The following SLC30A8 variants were observed in gnomAD, a reference collection of about 807,000 sequenced individuals.
SLC30A8 encodes the protein solute carrier family 30 member 8, also known as proton-coupled zinc antiporter SLC30A8.
SLC30A8 carries 27 observed loss-of-function variants against 36.9 expected under a neutral mutation model. The observed-to-expected ratio is 0.73, with a 90% confidence interval of 0.54 to 1.01. The LOEUF (loss-of-function observed/expected upper bound fraction) is 1.01, where lower values mean the gene tolerates loss of function less well. Ranked by LOEUF, SLC30A8 falls within the 50% of genes least tolerant of loss-of-function variation. The pLI is 0.00. For synonymous variants in SLC30A8, 164 were observed against 172.4 expected (o/e 0.95, Z 0.38); for missense variants, 439 against 452.0 (o/e 0.97, Z 0.26).
chr8:117,030,107 GCA>G (rs765155264), intron 1 of SLC30A8, among the ~76,000 whole-genome samples: 2 of 152,084 alleles, frequency 1.3e-5, no homozygotes, highest in African/African-American at 2.4e-5. Context: ...CAGCAGTAGA[GCA>G]AATAAAGAAG....
At chr8:117,155,013 T>TG (rs1293108160) in intron 3 of SLC30A8, among the ~76,000 whole-genome samples, 1 of 152,204 alleles carries the variant, frequency 6.6e-6, no homozygotes, top group African/African-American at 2.4e-5. Flanking sequence ...CATGCATGAT[T>TG]GGTGGCTACC....
intron 1 of SLC30A8, among the ~76,000 whole-genome samples, chr8:116,991,872 A>G (rs1815656136): frequency 6.6e-6 from 1 of 152,192 alleles, no homozygotes. Flanking sequence ...ATGCGGAAAA[A>G]GAACACAACA....
intron 2 of SLC30A8, among the ~76,000 whole-genome samples, chr8:117,118,593 T>C (rs138575942): frequency 6.6e-6 from 1 of 152,030 alleles, no homozygotes; most frequent in Non-Finnish European, 1.5e-5. Flanking sequence ...AGATAAGTCA[T>C]ATTTTCAGAC....
At chr8:117,119,812 A>C (rs544267214) in intron 2 of SLC30A8, among the ~76,000 whole-genome samples, 1 of 152,084 alleles carries the variant, frequency 6.6e-6, no homozygotes, top group South Asian at 2.1e-4. Context: ...TATAAAAATC[A>C]GTTGTGTTTC....
intron 5 of SLC30A8, among the ~76,000 whole-genome samples, chr8:117,162,947 G>A (rs1184379852): frequency 2.0e-5 from 3 of 152,214 alleles, no homozygotes; most frequent in African/African-American, 7.2e-5. Flanking sequence ...GAGAGGCAAA[G>A]AAATAAACTC....
At chr8:117,123,524 G>A (rs1378500398) in intron 2 of SLC30A8, among the ~76,000 whole-genome samples, 5 of 151,948 alleles carry the variant, frequency 3.3e-5, no homozygotes, top group African/African-American at 7.2e-5. Context: ...AAGTTTGTGA[G>A]ATACTTTTTG....
chr8:117,027,662 T>C (rs1253138828), intron 1 of SLC30A8, among the ~76,000 whole-genome samples: 1 of 152,182 alleles, frequency 6.6e-6, no homozygotes, highest in Non-Finnish European at 1.5e-5. Flanking sequence ...CTGAGTTGGA[T>C]GCTAACCTAT....
chr8:117,172,428 T>G, intron 7 of SLC30A8, 108 bp from the exon 8 acceptor site: 1 of 1,475,972 alleles, frequency 6.8e-7, no homozygotes, highest in African/African-American at 1.4e-5. Flanking sequence ...GTGCCCTGCC[T>G]CTGCCCCACC....
At chr8:117,143,196 C>CA (rs1821738335) in intron 1 of SLC30A8, among the ~76,000 whole-genome samples, 1 of 152,100 alleles carries the variant, frequency 6.6e-6, no homozygotes, top group Non-Finnish European at 1.5e-5. Flanking sequence ...TCCAAGATTG[C>CA]AAAAATAAAG....
intron 1 of SLC30A8, among the ~76,000 whole-genome samples, chr8:117,000,403 G>T (rs1201499279): frequency 6.6e-6 from 1 of 152,158 alleles, no homozygotes; most frequent in Non-Finnish European, 1.5e-5. Flanking sequence ...TTGTGACCAG[G>T]TTTGTCGTAA....
chr8:117,041,718 T>C (rs1219828916), intron 2 of SLC30A8, among the ~76,000 whole-genome samples: 1 of 151,844 alleles, frequency 6.6e-6, no homozygotes, highest in African/African-American at 2.4e-5. Flanking sequence ...TAAAAAAAAT[T>C]CTGATGGTTG....
intron 1 of SLC30A8, among the ~76,000 whole-genome samples, chr8:116,992,175 T>G (rs1815667483): frequency 6.6e-6 from 1 of 152,132 alleles, no homozygotes; most frequent in Non-Finnish European, 1.5e-5. Flanking sequence ...AATAACAAGG[T>G]GACAAAGCCG....
intron 6 of SLC30A8, among the ~76,000 whole-genome samples, chr8:117,168,127 C>T (rs73317664): frequency 0.066 from 10,098 of 152,138 alleles, 985 homozygotes; most frequent in African/African-American, 0.21. Flanking sequence ...ACCCTTGACA[C>T]GTGGGGATCA....
chr8:116,980,337 G>A (rs1815209694), intron 1 of SLC30A8, among the ~76,000 whole-genome samples: 1 of 152,148 alleles, frequency 6.6e-6, no homozygotes, highest in African/African-American at 2.4e-5. Flanking sequence ...TGTAGGGAGA[G>A]TCTTCTTGGG....
chr8:117,172,553 C>T lies in SLC30A8; in HGVS notation c.982C>T (p.Gln328Ter), dbSNP rs776072348. ...ATCAACAGCAGCCAGCCGGGACAGC[C>T]AAGTGGTTCGGAGAGAAATTGCTAA... ...HVATAASRDS[Q>*]VVRREIAKAL... Residue 328 changes from glutamine (Q) to a stop codon, truncating the protein, a stop_gained, in exon 8 of 8, where the codon CAA (glutamine) becomes TAA (stop). Coordinates refer to ENST00000456015, the MANE Select transcript of SLC30A8 (RefSeq NM_173851.3). LOFTEE classifies it high-confidence loss of function. The T allele has an allele frequency of 1.2e-6, 2 of 1,613,658 alleles. No homozygotes were observed. Among genetic ancestry groups the T allele is most frequent in the Admixed American group, 1.7e-5 (1 of 59,982 alleles).
At chr8:117,096,343 G>C (rs1819361114) in intron 2 of SLC30A8, among the ~76,000 whole-genome samples, 1 of 152,142 alleles carries the variant, frequency 6.6e-6, no homozygotes. Flanking sequence ...AAAATGTCTA[G>C]ATATTTGCTT....
At chr8:117,156,979 C>T (rs1241425218) in intron 3 of SLC30A8, among the ~76,000 whole-genome samples, 1 of 152,180 alleles carries the variant, frequency 6.6e-6, no homozygotes, top group Admixed American at 6.5e-5. Context: ...TTTTTAGAAT[C>T]TATGGGTTTG....
intron 2 of SLC30A8, among the ~76,000 whole-genome samples, chr8:117,089,776 GTACCCCAGCATGA>G (rs1033215901): frequency 5.3e-5 from 8 of 152,086 alleles, no homozygotes; most frequent in African/African-American, 1.7e-4. Flanking sequence ...GTAAAGTCCA[GTACCCCAGCATGA>G]CTTACGAAGC....
chr8:117,118,465 A>G (rs1161576245), intron 2 of SLC30A8, among the ~76,000 whole-genome samples: 1 of 151,970 alleles, frequency 6.6e-6, no homozygotes, highest in Admixed American at 6.6e-5. Flanking sequence ...TAGTGATTCA[A>G]CATGTGAGCT....
Sources: allele counts gnomAD v4.1 joint callset (sites outside exome capture counted in the v4.1 genomes callset), GRCh38; gene constraint gnomAD v4.1.1; transcripts MANE v1.5; gene names NCBI Gene and HGNC (gene_info 2026-07-23, HGNC 2026-07-21).